THSD4: variants seen among roughly 807,000 people sequenced by gnomAD.
The protein encoded by THSD4 is thrombospondin type 1 domain containing 4.
A neutral mutation model predicts 119.0 loss-of-function variants in THSD4; 69 were observed. That is an observed-to-expected ratio of 0.58 (90% CI 0.48 to 0.71). The LOEUF is 0.71. Among genes scored for constraint, THSD4 ranks in the 30% least tolerant of loss-of-function variants. The pLI, the probability that THSD4 is intolerant of heterozygous loss-of-function variation, is 0.00. For missense variants in THSD4, 1,393 were observed against 1,391.1 expected, an observed-to-expected ratio of 1.00 and a Z score of -0.02; for synonymous variants, 524 against 540.4, an observed-to-expected ratio of 0.97 and a Z score of 0.42.
intron 7 of THSD4, among the ~76,000 whole-genome samples, chr15:71,473,580 T>G (rs577487658): frequency 1.3e-5 from 2 of 152,156 alleles, no homozygotes. Context: ...CTCATATCAT[T>G]GTAAGGAATG....
intron 8 of THSD4, among the ~76,000 whole-genome samples, chr15:71,700,432 T>C (rs2052262059): frequency 6.6e-6 from 1 of 151,936 alleles, no homozygotes; most frequent in South Asian, 2.1e-4. Flanking sequence ...GGCATAAAAT[T>C]TAAATAAATG....
intron 6 of THSD4, among the ~76,000 whole-genome samples, chr15:71,375,448 C>T (rs1309595076): frequency 6.6e-6 from 1 of 152,192 alleles, no homozygotes; most frequent in Non-Finnish European, 1.5e-5. Context: ...CACTTTCACA[C>T]TGAATTGTAA....
chr15:71,752,183 G>A (rs1475533099), intron 14 of THSD4, among the ~76,000 whole-genome samples: 1 of 152,138 alleles, frequency 6.6e-6, no homozygotes, highest in Non-Finnish European at 1.5e-5. Flanking sequence ...CAACTCTGTG[G>A]GGAAAATAGC....
At chr15:71,549,379 C>T (rs12593467) in intron 7 of THSD4, among the ~76,000 whole-genome samples, 51,834 of 151,918 alleles carry the variant, frequency 0.34, 10,171 homozygotes, top group South Asian at 0.44. Flanking sequence ...TGTGTGAGTG[C>T]GTGTGTGTTT....
At chr15:71,648,173 G>A (rs1444169387) in intron 7 of THSD4, among the ~76,000 whole-genome samples, 1 of 152,122 alleles carries the variant, frequency 6.6e-6, no homozygotes, top group Non-Finnish European at 1.5e-5. Flanking sequence ...GGCAAAATAG[G>A]GATAGTAATT....
intron 5 of THSD4, among the ~76,000 whole-genome samples, chr15:71,255,758 G>T (rs1413840513): frequency 6.6e-6 from 1 of 152,142 alleles, no homozygotes; most frequent in Non-Finnish European, 1.5e-5. Context: ...GCCTCAGTTT[G>T]CTCTCATGAA....
At chr15:71,424,598 T>C (rs1262015705) in intron 7 of THSD4, among the ~76,000 whole-genome samples, 1 of 152,096 alleles carries the variant, frequency 6.6e-6, no homozygotes, top group Non-Finnish European at 1.5e-5. Context: ...ATCTGGCCAG[T>C]CTTCAGAGAG....
chr15:71,488,089 G>C (rs559870938), intron 7 of THSD4, among the ~76,000 whole-genome samples: 5 of 152,150 alleles, frequency 3.3e-5, no homozygotes, highest in African/African-American at 7.2e-5. Flanking sequence ...GTTTACTGAA[G>C]ATGCTTCTTG....
At chr15:71,608,889 A>G (rs4354882) in intron 7 of THSD4, among the ~76,000 whole-genome samples, 78,709 of 152,106 alleles carry the variant, frequency 0.52, 21,092 homozygotes, top group East Asian at 0.93. Context: ...GGATGATTTC[A>G]CACGCCCCAT....
At chr15:71,450,158 T>C (rs577851850) in intron 7 of THSD4, among the ~76,000 whole-genome samples, 2 of 152,308 alleles carry the variant, frequency 1.3e-5, no homozygotes, top group South Asian at 4.2e-4. Context: ...ACCTGTTGCT[T>C]CTTTCACTAA....
At chr15:71,726,661 G>A (rs997789543) in intron 8 of THSD4, among the ~76,000 whole-genome samples, 3 of 152,212 alleles carry the variant, frequency 2.0e-5, no homozygotes, top group Admixed American at 2.0e-4. Context: ...CCTTCGGCTG[G>A]GCGCAGTGGC....
chr15:71,689,001 C>G (rs1006525081), intron 8 of THSD4, among the ~76,000 whole-genome samples: 3 of 152,148 alleles, frequency 2.0e-5, no homozygotes, highest in African/African-American at 7.2e-5. Flanking sequence ...CTCAGGAACG[C>G]CTTTTGTCCA....
At chr15:71,668,777 C>G (rs919289809) in intron 8 of THSD4, among the ~76,000 whole-genome samples, 2 of 152,196 alleles carry the variant, frequency 1.3e-5, no homozygotes, top group Non-Finnish European at 1.5e-5. Context: ...TTGCTTTTGT[C>G]TTGAATGCCA....
At chr15:71,529,927 G>A (rs569031676) in intron 7 of THSD4, among the ~76,000 whole-genome samples, 9 of 152,212 alleles carry the variant, frequency 5.9e-5, no homozygotes, top group Admixed American at 2.0e-4. Flanking sequence ...GGATATGCTC[G>A]GGAGTTATGC....
intron 1 of THSD4, among the ~76,000 whole-genome samples, chr15:71,128,157 T>G (rs761733150): frequency 1.3e-5 from 2 of 151,824 alleles, no homozygotes; most frequent in African/African-American, 2.4e-5. Context: ...ATCAGTGGAT[T>G]GGAAGATGTA....
chr15:71,363,619 G>A (rs990907508), intron 6 of THSD4, among the ~76,000 whole-genome samples: 28 of 152,174 alleles, frequency 1.8e-4, no homozygotes, highest in African/African-American at 6.5e-4. Flanking sequence ...ATGAACATGC[G>A]TCAAAGATTT....
At chr15:71,256,753 T>A in intron 6 of THSD4, 38 bp downstream of exon 6, 23 of 1,575,358 alleles carry the variant, frequency 1.5e-5, no homozygotes, top group Non-Finnish European at 1.8e-5. Context: ...GAAGTTACTT[T>A]AGTCTGTTTT....
At chr15:71,161,695 T>G (rs1443716188) in intron 3 of THSD4, among the ~76,000 whole-genome samples, 1 of 151,974 alleles carries the variant, frequency 6.6e-6, no homozygotes, top group South Asian at 2.1e-4. Context: ...TTTTAATCCA[T>G]TCAGTTACTC....
In THSD4 at chr15:71,510,825, T is replaced by G. The variant is rs141198752; in HGVS notation, c.1152+99002T>G. Among the ~76,000 whole-genome samples, 310 of 152,192 alleles carry G rather than the reference T, an allele frequency of 2.0e-3. 1 individual carries two copies. Among genetic ancestry groups the G allele is most frequent in the African/African-American group, 7.3e-3 (303 of 41,496 alleles). On this transcript the variant is annotated intron_variant, in intron 7 of 17. Coordinates refer to ENST00000261862, the MANE Select transcript of THSD4 (RefSeq NM_024817.3). ...TAAAAGTCTCATTATTTACCTCAGATTGCCATCAAAGAAGTAGAATCATTC... is the reference window on the plus strand; with the variant it reads ...TAAAAGTCTCATTATTTACCTCAGAGTGCCATCAAAGAAGTAGAATCATTC...
Sources: gnomAD v4.1 joint callset for allele counts (sites outside exome capture counted in the v4.1 genomes callset) on GRCh38, gnomAD v4.1.1 for gene constraint, MANE v1.5 for transcripts, NCBI Gene and HGNC (gene_info 2026-07-23, HGNC 2026-07-21) for gene names.